The following CPQ variants were observed in gnomAD, a reference collection of about 807,000 sequenced individuals.
The protein encoded by CPQ is carboxypeptidase Q.
CPQ carries 37 observed loss-of-function variants against 45.7 expected under a neutral mutation model. That is an observed-to-expected ratio of 0.81 (90% confidence interval 0.62 to 1.07). The LOEUF is 1.07. Among genes scored for constraint, CPQ ranks in the 50% least tolerant of loss-of-function variants. The probability of loss-of-function intolerance (pLI) is 0.00; values close to 1 mark genes in which losing one functional copy is unlikely to be tolerated. For synonymous variants in CPQ, 186 were observed against 205.8 expected (o/e 0.90, Z 0.82); for missense variants, 537 against 572.9 (o/e 0.94, Z 0.64).
chr8:96,977,473 C>T (rs1383319912), intron 5 of CPQ, among the ~76,000 whole-genome samples: 2 of 152,090 alleles, frequency 1.3e-5, no homozygotes, highest in South Asian at 4.1e-4. Context: ...TTTAATCCAG[C>T]CATCTCACTA....
chr8:96,694,657 T>G (rs1809347693), intron 1 of CPQ, among the ~76,000 whole-genome samples: 1 of 151,788 alleles, frequency 6.6e-6, no homozygotes, highest in Non-Finnish European at 1.5e-5. Flanking sequence ...AGTTAAACAA[T>G]GTGCTCCTGA....
At chr8:96,828,990 T>C (rs1586417280) in intron 2 of CPQ, among the ~76,000 whole-genome samples, 1 of 152,044 alleles carries the variant, frequency 6.6e-6, no homozygotes. Flanking sequence ...GCTAGTTGGG[T>C]TCTTATAAAC....
intron 1 of CPQ, chr8:96,659,297 T>C (rs972482225): frequency 6.6e-6 from 1 of 152,180 alleles, no homozygotes; most frequent in African/African-American, 2.4e-5. Context: ...TCCTACCATT[T>C]TGTGGTTCCA....
Position 96,785,194 on chromosome 8 carries a change from G to C in CPQ, c.297G>C (p.Gly99=), listed in dbSNP as rs1563496587. 1.2e-6 allele frequency: 2 copies of C among 1,613,490 alleles called. No homozygotes were observed. Among genetic ancestry groups the C allele is most frequent in the Non-Finnish European group, 1.7e-6 (2 of 1,179,782 alleles). ...TGTACCAAAACCTGCAGCAAGATGG[G>C]CTGGAGAAAGTTCACCTGGAGCCAG... is the stretch of plus-strand genomic sequence containing the variant. ...QIMYQNLQQD[G]LEKVHLEPVR... The change falls in exon 2 of 8, where the codon GGG becomes GGC. Residue 99 remains glycine (G), a synonymous_variant. Transcript: ENST00000220763.
intron 7 of CPQ, among the ~76,000 whole-genome samples, chr8:97,142,067 A>G (rs190786310): frequency 1.6e-4 from 25 of 152,286 alleles, no homozygotes; most frequent in Non-Finnish European, 1.0e-4. Flanking sequence ...GGTGTCATAA[A>G]TGGGTTTCCA....
At chr8:96,928,798 T>C (rs1812929323) in intron 4 of CPQ, among the ~76,000 whole-genome samples, 2 of 152,100 alleles carry the variant, frequency 1.3e-5, no homozygotes, top group Admixed American at 1.3e-4. Flanking sequence ...GTTCAGACCC[T>C]GATGAAGGAA....
At chr8:96,799,284 T>G (rs1810975902) in intron 2 of CPQ, among the ~76,000 whole-genome samples, 1 of 152,192 alleles carries the variant, frequency 6.6e-6, no homozygotes, top group South Asian at 2.1e-4. Context: ...AAAATAGCCT[T>G]CCTGCATACT....
intron 7 of CPQ, among the ~76,000 whole-genome samples, chr8:97,116,811 A>G (rs1367959179): frequency 6.6e-6 from 1 of 152,270 alleles, no homozygotes; most frequent in Non-Finnish European, 1.5e-5. Flanking sequence ...TTGCAAAACC[A>G]GAATCATCAC....
intron 1 of CPQ, among the ~76,000 whole-genome samples, chr8:96,703,953 A>G (rs1277273120): frequency 4.6e-5 from 7 of 152,214 alleles, no homozygotes; most frequent in African/African-American, 1.4e-4. Context: ...ATAATTTGGA[A>G]TACAAAAATA....
rs184231963 is a variant in CPQ, at chr8:96,872,782, A to G, written c.642-7016A>G. Among the ~76,000 whole-genome samples, 292 of 152,052 alleles carry G rather than the reference A, an allele frequency of 1.9e-3. 2 individuals carry two copies. The highest frequency in any genetic ancestry group is 6.6e-3 in the African/African-American group (274 of 41,562). ...ACTCATATATTTTGTGATGTTTACT[A>G]TGGGTTACAGAATGTACAGTAAACA... On this transcript the variant is annotated intron_variant, in intron 3 of 7. Coordinates refer to ENST00000220763, the MANE Select transcript of CPQ (RefSeq NM_016134.4).
In CPQ at chr8:97,058,562, A is replaced by ATAG. The variant is rs1810492894; in HGVS notation, c.1054-7442_1054-7440dup. On this transcript the variant is annotated intron_variant, in intron 6 of 7. Transcript: ENST00000220763. Reference sequence around the variant, plus strand: ...TGTTACCTTTTGAACCTGGAGAAGAATAGTAGTGTGGTGGGTATAACAGGA... The same window carrying ATAG: ...TGTTACCTTTTGAACCTGGAGAAGAATAGTAGTAGTGTGGTGGGTATAACAGGA... 3.3e-5 allele frequency among the ~76,000 whole-genome samples: 5 copies of ATAG among 152,274 alleles called. No individual in the cohort carries two copies. In the South Asian group the frequency reaches 1.0e-3, roughly 32 times the overall value.
intron 5 of CPQ, among the ~76,000 whole-genome samples, chr8:96,997,183 A>G (rs2130417853): frequency 6.6e-6 from 1 of 152,018 alleles, no homozygotes; most frequent in Middle Eastern, 3.4e-3. Flanking sequence ...TTTCTCTACC[A>G]ATTAAAGTCC....
At chr8:96,857,744 G>T (rs1283380380) in intron 3 of CPQ, among the ~76,000 whole-genome samples, 1 of 152,140 alleles carries the variant, frequency 6.6e-6, no homozygotes, top group Non-Finnish European at 1.5e-5. Flanking sequence ...TTGTCCCTGT[G>T]TTCCTCATAA....
chr8:96,766,601 G>T (rs1347935903), intron 1 of CPQ, among the ~76,000 whole-genome samples: 1 of 152,164 alleles, frequency 6.6e-6, no homozygotes, highest in Non-Finnish European at 1.5e-5. Flanking sequence ...TGTCCTGCCT[G>T]TGGGGTCTGA....
chr8:96,915,287 A>G (rs1387110729), intron 4 of CPQ, among the ~76,000 whole-genome samples: 1 of 152,042 alleles, frequency 6.6e-6, no homozygotes, highest in Non-Finnish European at 1.5e-5. Context: ...GTAACTTCCT[A>G]TTCCAGGAGT....
At chr8:96,718,485 G>A (rs1295988879) in intron 1 of CPQ, among the ~76,000 whole-genome samples, 2 of 151,964 alleles carry the variant, frequency 1.3e-5, no homozygotes, top group Non-Finnish European at 2.9e-5. Context: ...TTGTGGTCTC[G>A]CTGGCTTCAG....
chr8:96,663,183 C>A (rs1481771787), intron 1 of CPQ, among the ~76,000 whole-genome samples: 1 of 152,130 alleles, frequency 6.6e-6, no homozygotes, highest in African/African-American at 2.4e-5. Flanking sequence ...TGGAAATTTA[C>A]AAGGCTCAGA....
At chr8:96,974,205 C>T (rs1037874371) in intron 5 of CPQ, among the ~76,000 whole-genome samples, 12 of 152,014 alleles carry the variant, frequency 7.9e-5, no homozygotes, top group Middle Eastern at 3.2e-3. Context: ...ACACCAAAAG[C>T]GAGCAGGTGT....
intron 6 of CPQ, among the ~76,000 whole-genome samples, chr8:97,057,660 T>C (rs1370988892): frequency 1.3e-5 from 2 of 151,156 alleles, no homozygotes; most frequent in African/African-American, 4.9e-5. Flanking sequence ...TTCTGTTATT[T>C]AATCTAGAGA....
Sources: allele counts gnomAD v4.1 joint callset (sites outside exome capture counted in the v4.1 genomes callset), GRCh38; gene constraint gnomAD v4.1.1; transcripts MANE v1.5; gene names NCBI Gene and HGNC (gene_info 2026-07-23, HGNC 2026-07-21).